The following TENM3 variants were observed in gnomAD, a reference collection of about 807,000 sequenced individuals.
TENM3 encodes teneurin-3.
A neutral mutation model predicts 255.1 loss-of-function variants in TENM3; 63 were observed. That is an observed-to-expected ratio of 0.25 (90% CI 0.20 to 0.30). TENM3 has a LOEUF of 0.30. TENM3 is among the 10% of genes least tolerant of loss of function. TENM3 has a pLI of 1.00. For synonymous variants in TENM3, 1,306 were observed against 1,322.3 expected (o/e 0.99, Z 0.27); for missense variants, 2,929 against 3,461.1 (o/e 0.85, Z 3.86).
At chr4:182,430,706 T>A (rs147679955) in intron 3 of TENM3, among the ~76,000 whole-genome samples, 13 of 151,364 alleles carry the variant, frequency 8.6e-5, no homozygotes, top group East Asian at 2.0e-4. Flanking sequence ...TCTGAGCAGG[T>A]TTGTGTTTTT....
chr4:182,227,147 A>G (rs1232935488), intron 1 of TENM3, among the ~76,000 whole-genome samples: 2 of 152,154 alleles, frequency 1.3e-5, no homozygotes, highest in East Asian at 1.9e-4. Context: ...TCAAGGCACA[A>G]TGGCTTTTTC....
chr4:182,451,215 A>C (rs1220946789), intron 3 of TENM3, among the ~76,000 whole-genome samples: 1 of 152,224 alleles, frequency 6.6e-6, no homozygotes, highest in Non-Finnish European at 1.5e-5. Context: ...AAATAAAATC[A>C]TACTAAATTT....
the TENM3 span, among the ~76,000 whole-genome samples, chr4:181,798,001 C>G: frequency 6.6e-6 from 1 of 152,162 alleles, no homozygotes; most frequent in Non-Finnish European, 1.5e-5. Flanking sequence ...GCAGTTCTCA[C>G]TGTTCTATCT....
chr4:182,218,259 A>G (rs917144298), intron 1 of TENM3, among the ~76,000 whole-genome samples: 3 of 152,162 alleles, frequency 2.0e-5, no homozygotes, highest in African/African-American at 7.2e-5. Flanking sequence ...GCCTCACATC[A>G]TGGTGGCCTT....
chr4:182,593,598 G>A (rs1168033861), intron 3 of TENM3, among the ~76,000 whole-genome samples: 9 of 152,274 alleles, frequency 5.9e-5, no homozygotes, highest in Non-Finnish European at 1.3e-4. Flanking sequence ...GAGATCCAGG[G>A]AAGGAGGGGA....
intron 22 of TENM3, chr4:182,772,582 A>G (rs4862092): frequency 0.9 from 135,747 of 151,618 alleles, 61,022 homozygotes; most frequent in Middle Eastern, 0.95. Context: ...AGACGACACC[A>G]TCATTTTTGA....
chr4:182,186,151 T>C (rs1022175668), intron 1 of TENM3, among the ~76,000 whole-genome samples: 12 of 152,232 alleles, frequency 7.9e-5, no homozygotes, highest in African/African-American at 2.7e-4. Context: ...GATTGTTTCA[T>C]GTGTTCAGGT....
chr4:181,944,588 T>C, the TENM3 span, among the ~76,000 whole-genome samples: 1 of 152,124 alleles, frequency 6.6e-6, no homozygotes, highest in African/African-American at 2.4e-5. Context: ...AGAGAGAGTA[T>C]AGGCCTGTTC....
chr4:182,390,079 C>T (rs912699528), intron 3 of TENM3, among the ~76,000 whole-genome samples: 5 of 152,194 alleles, frequency 3.3e-5, no homozygotes, highest in African/African-American at 1.2e-4. Context: ...TTTTCTGTTT[C>T]ATTGACTGTA....
chr4:182,376,511 T>C (rs1767188842), intron 3 of TENM3, among the ~76,000 whole-genome samples: 2 of 152,244 alleles, frequency 1.3e-5, no homozygotes, highest in Non-Finnish European at 2.9e-5. Flanking sequence ...TTTAAATTAT[T>C]TACCTCAAGT....
intron 3 of TENM3, among the ~76,000 whole-genome samples, chr4:182,593,626 G>A (rs943064815): frequency 4.6e-5 from 7 of 152,164 alleles, no homozygotes; most frequent in African/African-American, 1.7e-4. Context: ...CAGGGTGAAG[G>A]AAGTGGGTGG....
At chr4:181,490,079 T>C in the TENM3 span, among the ~76,000 whole-genome samples, 1 of 152,226 alleles carries the variant, frequency 6.6e-6, no homozygotes, top group Non-Finnish European at 1.5e-5. Flanking sequence ...GTAGGGCACA[T>C]GTGATATCTT....
chr4:182,557,834 T>G (rs2151957570), intron 3 of TENM3, among the ~76,000 whole-genome samples: 1 of 152,292 alleles, frequency 6.6e-6, no homozygotes, highest in South Asian at 2.1e-4. Context: ...TCAGAAACAC[T>G]TTTACCTAGA....
At chr4:182,144,166 G>C (rs1464688802), upstream of TENM3, 2 of 152,120 alleles carry the variant, frequency 1.3e-5, no homozygotes, top group Non-Finnish European at 2.9e-5. Flanking sequence ...CGCATGGTAG[G>C]CTCCTCTCCT....
chr4:181,705,161 A>G, the TENM3 span, among the ~76,000 whole-genome samples: 2 of 152,198 alleles, frequency 1.3e-5, no homozygotes, highest in South Asian at 2.1e-4. Context: ...AACATAATAC[A>G]TTTATTCCAA....
the TENM3 span, among the ~76,000 whole-genome samples, chr4:181,764,292 A>G: frequency 6.6e-6 from 1 of 152,222 alleles, no homozygotes; most frequent in African/African-American, 2.4e-5. Flanking sequence ...CAAACATGGT[A>G]AAAGGATGTA....
At chr4:181,510,152 A>T in the TENM3 span, among the ~76,000 whole-genome samples, 1 of 152,260 alleles carries the variant, frequency 6.6e-6, no homozygotes, top group Non-Finnish European at 1.5e-5. Flanking sequence ...CAGTGGCTAC[A>T]TGGAACTCAG....
At chr4:181,636,830 C>G in the TENM3 span, among the ~76,000 whole-genome samples, 1 of 152,162 alleles carries the variant, frequency 6.6e-6, no homozygotes, top group Non-Finnish European at 1.5e-5. Flanking sequence ...TTTAGAGCCC[C>G]TGATGGCTTC....
chr4:182,472,590 A>G (rs1055442749), intron 3 of TENM3, among the ~76,000 whole-genome samples: 5 of 152,238 alleles, frequency 3.3e-5, no homozygotes, highest in African/African-American at 4.8e-5. Flanking sequence ...CACTAAAAGA[A>G]TTTGATGAAC....
Sources: gnomAD v4.1 joint callset for allele counts (sites outside exome capture counted in the v4.1 genomes callset) on GRCh38, gnomAD v4.1.1 for gene constraint, MANE v1.5 for transcripts, NCBI Gene and HGNC (gene_info 2026-07-23, HGNC 2026-07-21) for gene names.